Variants in GABBR2 observed in about 807,000 individuals in gnomAD.
The protein encoded by GABBR2 is gamma-aminobutyric acid type B receptor subunit 2, also known as G-protein coupled receptor 51.
GABBR2 carries 23 observed loss-of-function variants against 105.6 expected under a neutral mutation model. That is an observed-to-expected ratio of 0.22 (90% CI 0.16 to 0.31). The LOEUF is 0.31. Among genes scored for constraint, GABBR2 ranks in the 10% least tolerant of loss-of-function variants. The probability of loss-of-function intolerance (pLI) is 1.00; values close to 1 mark genes in which losing one functional copy is unlikely to be tolerated. For missense variants in GABBR2, 734 were observed against 1,245.5 expected (o/e 0.59, Z 6.18); for synonymous variants, 478 against 499.7 (o/e 0.96, Z 0.58).
chr9:98,708,296 C>G, intron 1 of GABBR2, 121 bp downstream of exon 1: 2 of 1,054,864 alleles, frequency 1.9e-6, no homozygotes, highest in Non-Finnish European at 2.5e-6. Context: ...GCCCTCTCTG[C>G]CCTCGGCAGG....
intron 1 of GABBR2, among the ~76,000 whole-genome samples, chr9:98,605,178 A>G (rs1190700343): frequency 1.3e-5 from 2 of 152,204 alleles, no homozygotes; most frequent in African/African-American, 4.8e-5. Flanking sequence ...CTCCACAGGG[A>G]TGTACAGTGC....
intron 17 of GABBR2, among the ~76,000 whole-genome samples, chr9:98,296,957 C>T (rs1452839434): frequency 1.3e-5 from 2 of 152,106 alleles, no homozygotes; most frequent in Middle Eastern, 3.2e-3. Context: ...ACAGGTCCTC[C>T]ACTCTCTGAG....
Position 98,660,349 on chromosome 9 carries a change from C to T in GABBR2, c.321+48068G>A, listed in dbSNP as rs147399382. Among the ~76,000 whole-genome samples, 439 of 152,306 alleles carry T rather than the reference C, an allele frequency of 2.9e-3. 4 individuals are homozygous for T. The highest frequency in any genetic ancestry group is 0.01 in the African/African-American group (422 of 41,562). ...CAACACTTCCACCAGTATGAAAATACGTATTTCCTTAATCTTCATCAATAA... is the reference window on the plus strand; with the variant it reads ...CAACACTTCCACCAGTATGAAAATATGTATTTCCTTAATCTTCATCAATAA... On this transcript the variant is annotated intron_variant, in intron 1 of 18. Transcript: ENST00000259455.
chr9:98,555,231 C>T (rs1828564224), intron 2 of GABBR2, among the ~76,000 whole-genome samples: 1 of 152,212 alleles, frequency 6.6e-6, no homozygotes, highest in African/African-American at 2.4e-5. Context: ...TATTCCACCT[C>T]CCTAGGGAAG....
At chr9:98,597,055 A>G (rs1277983038) in intron 1 of GABBR2, among the ~76,000 whole-genome samples, 1 of 152,104 alleles carries the variant, frequency 6.6e-6, no homozygotes, top group African/African-American at 2.4e-5. Flanking sequence ...AGATACTCAT[A>G]TTTTAGGAAA....
At chr9:98,451,829 T>TC (rs1194545033) in intron 7 of GABBR2, among the ~76,000 whole-genome samples, 4 of 152,094 alleles carry the variant, frequency 2.6e-5, no homozygotes, top group Non-Finnish European at 5.9e-5. Context: ...TGTCCTTCCC[T>TC]CCCTCTTGCA....
chr9:98,420,637 T>A (rs983881288), intron 7 of GABBR2, among the ~76,000 whole-genome samples: 1 of 152,132 alleles, frequency 6.6e-6, no homozygotes, highest in African/African-American at 2.4e-5. Context: ...AGTGCCCTGA[T>A]TGGCAGAGGG....
chr9:98,502,356 G>C (rs755565030), intron 3 of GABBR2, among the ~76,000 whole-genome samples: 1 of 152,162 alleles, frequency 6.6e-6, no homozygotes, highest in Non-Finnish European at 1.5e-5. Context: ...TCCACTGCAA[G>C]GCCTCCTCCC....
At chr9:98,376,239 G>C (rs986552331) in intron 11 of GABBR2, among the ~76,000 whole-genome samples, 9 of 152,222 alleles carry the variant, frequency 5.9e-5, no homozygotes, top group African/African-American at 1.9e-4. Flanking sequence ...ATGCCTGGGA[G>C]GGTGAAGGGC....
At chr9:98,320,269 G>T (rs6478668) in intron 13 of GABBR2, among the ~76,000 whole-genome samples, 85,626 of 150,456 alleles carry the variant, frequency 0.57, 25,450 homozygotes, top group African/African-American at 0.73. Flanking sequence ...AAATCAAAAC[G>T]ACAATGAGAT....
At chr9:98,576,327 C>A (rs1280045472) in intron 2 of GABBR2, among the ~76,000 whole-genome samples, 1 of 152,236 alleles carries the variant, frequency 6.6e-6, no homozygotes, top group African/African-American at 2.4e-5. Flanking sequence ...TTTCCTATCA[C>A]AAGCTGCCTT....
At chr9:98,448,278 G>A (rs991142947) in intron 7 of GABBR2, among the ~76,000 whole-genome samples, 1 of 150,908 alleles carries the variant, frequency 6.6e-6, no homozygotes, top group Non-Finnish European at 1.5e-5. Context: ...CTCATAATCC[G>A]AGACATTCCC....
chr9:98,400,754 G>GA (rs1257192121), intron 8 of GABBR2, among the ~76,000 whole-genome samples: 2 of 152,064 alleles, frequency 1.3e-5, no homozygotes, highest in African/African-American at 4.8e-5. Flanking sequence ...GTGTTGAGTG[G>GA]AAAAAACAAA....
chr9:98,674,903 C>T (rs117184802), intron 1 of GABBR2, among the ~76,000 whole-genome samples: 1 of 152,118 alleles, frequency 6.6e-6, no homozygotes, highest in South Asian at 2.1e-4. Flanking sequence ...CTCTCTACAC[C>T]CTCTTCTCTT....
At chr9:98,373,737 C>A (rs1831824850) in intron 11 of GABBR2, among the ~76,000 whole-genome samples, 1 of 151,998 alleles carries the variant, frequency 6.6e-6, no homozygotes, top group South Asian at 2.1e-4. Context: ...CATATACAGA[C>A]CATGGGCATT....
chr9:98,402,747 T>G (rs115388632), intron 8 of GABBR2, among the ~76,000 whole-genome samples: 2,224 of 152,174 alleles, frequency 0.015, 49 homozygotes, highest in African/African-American at 0.05. Context: ...GCTGGGGTAT[T>G]TATCCTCCCC....
intron 2 of GABBR2, among the ~76,000 whole-genome samples, chr9:98,569,110 G>A (rs1167768): frequency 0.29 from 44,739 of 151,998 alleles, 7,487 homozygotes; most frequent in East Asian, 0.61. Flanking sequence ...GCTCCAACCC[G>A]TGCTGGATTA....
chr9:98,492,155 G>A (rs1247758485), intron 4 of GABBR2, among the ~76,000 whole-genome samples: 1 of 151,494 alleles, frequency 6.6e-6, no homozygotes, highest in Non-Finnish European at 1.5e-5. Flanking sequence ...TCAAAATTTT[G>A]GCAAAACCTG....
At chr9:98,318,442 T>C (rs778627604) in intron 13 of GABBR2, among the ~76,000 whole-genome samples, 20 of 152,138 alleles carry the variant, frequency 1.3e-4, no homozygotes, top group Non-Finnish European at 5.9e-5. Context: ...GGCTCCTCTG[T>C]ATGTTTCTGA....
Sources: gnomAD v4.1 joint callset for allele counts (sites outside exome capture counted in the v4.1 genomes callset) on GRCh38, gnomAD v4.1.1 for gene constraint, MANE v1.5 for transcripts, NCBI Gene and HGNC (gene_info 2026-07-23, HGNC 2026-07-21) for gene names.